The following DOCK1 variants were observed in gnomAD, a reference collection of about 807,000 sequenced individuals.
DOCK1 encodes dedicator of cytokinesis 1.
A neutral mutation model predicts 262.7 loss-of-function variants in DOCK1; 138 were observed. The ratio of observed to expected loss-of-function variants is 0.53; its 90% CI spans 0.46 to 0.61. DOCK1 has a LOEUF of 0.61. DOCK1 is among the 20% of genes least tolerant of loss of function. DOCK1 has a pLI of 0.00. For synonymous variants in DOCK1, 866 were observed against 867.4 expected, an observed-to-expected ratio of 1.00 and a Z score of 0.03; for missense variants, 1,908 against 2,370.7, an observed-to-expected ratio of 0.80 and a Z score of 4.05.
At chr10:127,120,896 C>T (rs1425716413) in intron 25 of DOCK1, among the ~76,000 whole-genome samples, 2 of 152,142 alleles carry the variant, frequency 1.3e-5, no homozygotes, top group Admixed American at 1.3e-4. Context: ...CTTCTGTTAA[C>T]CACCATTTGT....
intron 13 of DOCK1, among the ~76,000 whole-genome samples, chr10:127,022,787 G>A (rs1372890414): frequency 2.6e-5 from 4 of 152,198 alleles, no homozygotes; most frequent in African/African-American, 9.7e-5. Flanking sequence ...TTACCTGGGA[G>A]TGCCAGTGGA....
intron 1 of DOCK1, among the ~76,000 whole-genome samples, chr10:126,968,213 T>C (rs1383917090): frequency 6.6e-6 from 1 of 152,148 alleles, no homozygotes; most frequent in East Asian, 1.9e-4. Flanking sequence ...TGTTACTCTA[T>C]CTGCATCCTT....
intron 33 of DOCK1, among the ~76,000 whole-genome samples, chr10:127,362,951 A>G (rs1565027087): frequency 5.9e-4 from 64 of 107,680 alleles, no homozygotes; most frequent in Admixed American, 1.1e-3. Context: ...ACACACATAC[A>G]CATGTGCATC....
At chr10:126,930,652 C>T (rs1189792595) in intron 1 of DOCK1, among the ~76,000 whole-genome samples, 4 of 152,208 alleles carry the variant, frequency 2.6e-5, no homozygotes, top group Non-Finnish European at 5.9e-5. Context: ...CTTGCATGGG[C>T]AAGGCCTGGC....
At chr10:127,280,294 A>G (rs1201576235) in intron 29 of DOCK1, among the ~76,000 whole-genome samples, 1 of 151,886 alleles carries the variant, frequency 6.6e-6, no homozygotes, top group Non-Finnish European at 1.5e-5. Flanking sequence ...TCGGCCTCCC[A>G]AAGTGCTGGG....
chr10:127,301,971 T>A (rs1046748181), intron 29 of DOCK1, among the ~76,000 whole-genome samples: 8 of 148,700 alleles, frequency 5.4e-5, no homozygotes, highest in African/African-American at 7.4e-5. Flanking sequence ...GAAAAAAAAA[T>A]GCAAGCTTTC....
At chr10:126,994,833 G>T (rs1326409680) in intron 6 of DOCK1, among the ~76,000 whole-genome samples, 1 of 152,150 alleles carries the variant, frequency 6.6e-6, no homozygotes, top group Non-Finnish European at 1.5e-5. Context: ...GAGCTGTTGC[G>T]TACACCTCCC....
intron 4 of DOCK1, among the ~76,000 whole-genome samples, chr10:126,985,252 A>G (rs2039296809): frequency 6.6e-6 from 1 of 152,092 alleles, no homozygotes; most frequent in Admixed American, 6.5e-5. Context: ...AAGTGTTGTG[A>G]TTACAGGCGT....
intron 23 of DOCK1, among the ~76,000 whole-genome samples, chr10:127,096,060 T>C (rs915698502): frequency 2.0e-5 from 3 of 152,178 alleles, no homozygotes; most frequent in Non-Finnish European, 4.4e-5. Flanking sequence ...GAGAATTGAT[T>C]ACAAAAAGTA....
At chr10:126,963,617 TCCCTTCCCTTCCCTTC>T (rs2037411838) in intron 1 of DOCK1, among the ~76,000 whole-genome samples, 1 of 61,736 alleles carries the variant, frequency 1.6e-5, no homozygotes, top group African/African-American at 9.0e-5. Flanking sequence ...TCCCTTCCCT[TCCCTTCCCTTCCCTTC>T]CCTTCCCTCC....
intron 1 of DOCK1, among the ~76,000 whole-genome samples, chr10:126,959,721 G>T (rs2037044145): frequency 6.6e-6 from 1 of 152,198 alleles, no homozygotes; most frequent in Non-Finnish European, 1.5e-5. Flanking sequence ...AGTGTGCTTT[G>T]TTTCTGGACA....
At chr10:127,130,065 CTTTTTTTTTTTTTTTT>C (rs74721427) in intron 27 of DOCK1, among the ~76,000 whole-genome samples, 6,911 of 117,590 alleles carry the variant, frequency 0.059, 331 homozygotes, top group African/African-American at 0.13. Flanking sequence ...TTAGGGTCTT[CTTTTTTTTTTTTTTTT>C]TTTTTTTTTT....
At chr10:126,955,018 C>G (rs2036617422) in intron 1 of DOCK1, among the ~76,000 whole-genome samples, 1 of 152,356 alleles carries the variant, frequency 6.6e-6, no homozygotes, top group African/African-American at 2.4e-5. Flanking sequence ...TTTTACATTC[C>G]TGTGACCAGT....
chr10:127,077,373 T>A (rs1055670737), intron 23 of DOCK1, among the ~76,000 whole-genome samples: 35 of 152,018 alleles, frequency 2.3e-4, no homozygotes, highest in Admixed American at 3.3e-4. Flanking sequence ...CCAGCCTAGG[T>A]GACAGAGCGA....
chr10:127,170,582 G>A (rs2054477471), intron 27 of DOCK1, among the ~76,000 whole-genome samples: 1 of 152,188 alleles, frequency 6.6e-6, no homozygotes, highest in Non-Finnish European at 1.5e-5. Context: ...AAAGAGCGCT[G>A]TCGGGGTTGC....
At chr10:127,113,327 G>C (rs1266318554) in intron 25 of DOCK1, among the ~76,000 whole-genome samples, 1 of 152,184 alleles carries the variant, frequency 6.6e-6, no homozygotes, top group Non-Finnish European at 1.5e-5. Context: ...ATGTGTCACT[G>C]TATGTGTCCT....
chr10:127,449,294 T>G (rs1189646137), intron 51 of DOCK1, among the ~76,000 whole-genome samples: 3 of 152,224 alleles, frequency 2.0e-5, no homozygotes, highest in Non-Finnish European at 4.4e-5. Context: ...CGTTAATTGG[T>G]CACATTCTCT....
chr10:126,977,967 G>T lies in DOCK1; in HGVS notation c.150G>T (p.Thr50=). The T allele has an allele frequency of 6.2e-7, 1 of 1,613,852 alleles. No individual in the cohort carries two copies. The highest frequency in any genetic ancestry group is 8.5e-7 in the Non-Finnish European group (1 of 1,179,856). The change falls in exon 3 of 52, where the codon ACG becomes ACT. Residue 50 remains threonine (T), a synonymous_variant. Transcript: ENST00000623213. ...GTTTAGGGTGGTACCGAGGTTACAC[G>T]TTACGAAAAAAGTCTAAGAAGGTAA... The part of the protein sequence containing the change: ...ETYEGWYRGY[T]LRKKSKKGIF...
Position 127,093,770 on chromosome 10 carries a change from G to A in DOCK1, c.2446-12461G>A, listed in dbSNP as rs116895896. The stretch of plus-strand genomic sequence containing the variant: ...AGTTCATTTGTATTCACAGGCACCA[G>A]AATGTCCTAGTCCATTTTGTGCTGC... On this transcript the variant is annotated intron_variant, in intron 23 of 51. Transcript: ENST00000623213. Among the ~76,000 whole-genome samples the A allele has an allele frequency of 5.9e-3, 895 of 152,182 alleles. 3 individuals are homozygous for A. The highest frequency in any genetic ancestry group is 0.027 in the Middle Eastern group (8 of 294).
Sources: allele counts gnomAD v4.1 joint callset (sites outside exome capture counted in the v4.1 genomes callset), GRCh38; gene constraint gnomAD v4.1.1; transcripts MANE v1.5; gene names NCBI Gene and HGNC (gene_info 2026-07-23, HGNC 2026-07-21).